The following DKK2 variants were observed in gnomAD, a reference collection of about 807,000 sequenced individuals.
DKK2 encodes the protein dickkopf Wnt signaling pathway inhibitor 2.
Under a neutral mutation model 28.1 loss-of-function variants are expected in DKK2, and 11 were observed. The ratio of observed to expected loss-of-function variants is 0.39; its 90% CI spans 0.25 to 0.65. The LOEUF (loss-of-function observed/expected upper bound fraction) is 0.65. DKK2 is among the 30% of genes least tolerant of loss of function. The pLI is 0.47. For missense variants in DKK2, 326 were observed against 335.5 expected (o/e 0.97, Z 0.22); for synonymous variants, 135 against 126.5 (o/e 1.07, Z -0.45).
intron 1 of DKK2, among the ~76,000 whole-genome samples, chr4:106,985,069 T>G (rs1723096042): frequency 6.6e-6 from 1 of 151,560 alleles, no homozygotes; most frequent in Non-Finnish European, 1.5e-5. Context: ...TTTAGCTGGG[T>G]GAGGTGGCGG....
chr4:106,938,741 C>A (rs1466717438), intron 1 of DKK2, among the ~76,000 whole-genome samples: 4 of 152,000 alleles, frequency 2.6e-5, no homozygotes, highest in Admixed American at 6.6e-5. Flanking sequence ...AATCCAGCAG[C>A]ACATCAAAAA....
intron 1 of DKK2, among the ~76,000 whole-genome samples, chr4:106,945,884 A>G (rs1195218867): frequency 2.0e-5 from 3 of 152,128 alleles, no homozygotes; most frequent in African/African-American, 4.8e-5. Context: ...AGAGTTCAGT[A>G]ACTCTACACA....
intron 1 of DKK2, among the ~76,000 whole-genome samples, chr4:106,986,700 C>A (rs139744246): frequency 1.3e-5 from 2 of 152,244 alleles, no homozygotes; most frequent in African/African-American, 4.8e-5. Context: ...GTCAGAAGAG[C>A]CTACAGTCTT....
chr4:107,009,514 G>A (rs561269059), intron 1 of DKK2, among the ~76,000 whole-genome samples: 1 of 151,996 alleles, frequency 6.6e-6, no homozygotes, highest in South Asian at 2.1e-4. Flanking sequence ...GATATCTGCA[G>A]CTGGGAGGGT....
chr4:106,938,414 A>T (rs1371681222), intron 1 of DKK2, among the ~76,000 whole-genome samples: 1 of 152,188 alleles, frequency 6.6e-6, no homozygotes, highest in African/African-American at 2.4e-5. Context: ...CCAAGACTAA[A>T]CCAGGAAGAA....
chr4:106,945,009 T>C lies in DKK2; in HGVS notation c.223-19060A>G, dbSNP rs1339137159. 2.6e-5 allele frequency among the ~76,000 whole-genome samples: 4 copies of C among 152,254 alleles called. No individual in the cohort carries two copies. In the East Asian group the frequency reaches 7.7e-4, roughly 29 times the overall value. On this transcript the variant is annotated intron_variant, in intron 1 of 3. Transcript: ENST00000285311. The stretch of plus-strand genomic sequence containing the variant: ...TGATGTTTATTATAAAACCTAGCAC[T>C]AGCCAGGCTCCTGTCTGAGGACAGA...
At chr4:106,958,142 T>C (rs1369443715) in intron 1 of DKK2, among the ~76,000 whole-genome samples, 2 of 150,646 alleles carry the variant, frequency 1.3e-5, no homozygotes, top group East Asian at 3.9e-4. Flanking sequence ...ATATTATATA[T>C]ATAGATTATA....
intron 1 of DKK2, among the ~76,000 whole-genome samples, chr4:106,970,187 G>A (rs1048917244): frequency 1.3e-5 from 2 of 152,056 alleles, no homozygotes; most frequent in Admixed American, 6.6e-5. Flanking sequence ...TACTTCACAA[G>A]GGTATTGTAA....
chr4:106,934,935 G>A (rs918917260), intron 1 of DKK2, among the ~76,000 whole-genome samples: 1 of 152,128 alleles, frequency 6.6e-6, no homozygotes, highest in African/African-American at 2.4e-5. Context: ...TACACAAGAA[G>A]GCAGGAAGCA....
chr4:106,955,260 C>T (rs143506347), intron 1 of DKK2, among the ~76,000 whole-genome samples: 13 of 151,202 alleles, frequency 8.6e-5, no homozygotes, highest in African/African-American at 2.7e-4. Context: ...GCTAAATGGC[C>T]CTTTTGCCTC....
chr4:107,011,440 T>C (rs1229193252), intron 1 of DKK2, among the ~76,000 whole-genome samples: 1 of 151,630 alleles, frequency 6.6e-6, no homozygotes, highest in Non-Finnish European at 1.5e-5. Context: ...AATAATTCAG[T>C]ATAATTAACC....
chr4:107,011,792 A>G (rs1723522156), intron 1 of DKK2, among the ~76,000 whole-genome samples: 1 of 151,322 alleles, frequency 6.6e-6, no homozygotes, highest in African/African-American at 2.4e-5. Context: ...ATTTCTGCTA[A>G]GGTATCAACA....
intron 1 of DKK2, among the ~76,000 whole-genome samples, chr4:106,938,735 C>T (rs1354675619): frequency 3.3e-5 from 5 of 152,032 alleles, no homozygotes; most frequent in African/African-American, 7.2e-5. Flanking sequence ...AAAACGAATC[C>T]AGCAGCACAT....
intron 1 of DKK2, among the ~76,000 whole-genome samples, chr4:106,964,697 T>C (rs756648832): frequency 3.3e-5 from 5 of 152,116 alleles, no homozygotes; most frequent in Non-Finnish European, 7.4e-5. Flanking sequence ...ATCAGTTTTC[T>C]TTAAGTGAAG....
At chr4:107,019,994 A>G (rs1453270908) in intron 1 of DKK2, among the ~76,000 whole-genome samples, 1 of 152,042 alleles carries the variant, frequency 6.6e-6, no homozygotes, top group East Asian at 1.9e-4. Context: ...TGACTCTCCC[A>G]GAAGTGGACA....
intron 1 of DKK2, among the ~76,000 whole-genome samples, chr4:106,992,061 A>G (rs1217001384): frequency 1.3e-5 from 2 of 152,212 alleles, no homozygotes; most frequent in Non-Finnish European, 2.9e-5. Context: ...CAGAGTTCTG[A>G]GATAAGCAGT....
chr4:106,930,343 C>T (rs918409966), intron 1 of DKK2, among the ~76,000 whole-genome samples: 2 of 152,122 alleles, frequency 1.3e-5, no homozygotes, highest in African/African-American at 4.8e-5. Flanking sequence ...GGCCCAATAA[C>T]TTGAGACTTA....
intron 1 of DKK2, among the ~76,000 whole-genome samples, chr4:106,983,384 G>A (rs1343535665): frequency 1.1e-4 from 17 of 149,666 alleles, no homozygotes; most frequent in African/African-American, 4.2e-4. Context: ...AGAAAAGAAA[G>A]AAAAGAAAAA....
At chr4:107,029,067 G>A (rs1054332241) in intron 1 of DKK2, among the ~76,000 whole-genome samples, 14 of 152,170 alleles carry the variant, frequency 9.2e-5, no homozygotes, top group African/African-American at 3.1e-4. Context: ...TATTGCTATG[G>A]TGCCTGCCTT....
Sources: gnomAD v4.1 joint callset for allele counts (sites outside exome capture counted in the v4.1 genomes callset) on GRCh38, gnomAD v4.1.1 for gene constraint, MANE v1.5 for transcripts, NCBI Gene and HGNC (gene_info 2026-07-23, HGNC 2026-07-21) for gene names.